RALY: variants seen among roughly 807,000 people sequenced by gnomAD.
RALY encodes the protein RALY heterogeneous nuclear ribonucleoprotein, also known as RNA-binding protein Raly.
In RALY, 15 loss-of-function variants were observed where a neutral mutation model predicts 30.7. The ratio of observed to expected loss-of-function variants is 0.49; its 90% confidence interval spans 0.33 to 0.75. The LOEUF is 0.75. Ranked by LOEUF, RALY falls within the 30% of genes least tolerant of loss-of-function variation. The pLI, the probability that RALY is intolerant of heterozygous loss-of-function variation, is 0.02. For synonymous variants in RALY, 177 were observed against 170.8 expected (o/e 1.04, Z -0.28); for missense variants, 339 against 414.3 (o/e 0.82, Z 1.58).
At chr20:34,056,380 G>A (rs2033244035) in intron 2 of RALY, among the ~76,000 whole-genome samples, 1 of 152,072 alleles carries the variant, frequency 6.6e-6, no homozygotes, top group South Asian at 2.1e-4. Context: ...TTAGGTAATT[G>A]ACATGCCTCC....
At chr20:34,061,302 C>T (rs2033410326) in intron 2 of RALY, among the ~76,000 whole-genome samples, 1 of 152,224 alleles carries the variant, frequency 6.6e-6, no homozygotes, top group South Asian at 2.1e-4. Context: ...TCTCCCTATC[C>T]CCTTCTCTCT....
intron 6 of RALY, chr20:34,076,375 G>T: frequency 2.0e-6 from 1 of 502,206 alleles, no homozygotes; most frequent in Non-Finnish European, 3.6e-6. Context: ...AATCACCCAG[G>T]AATTCAGATT....
intron 1 of RALY, among the ~76,000 whole-genome samples, chr20:33,998,561 A>C (rs1255342181): frequency 6.6e-6 from 1 of 152,186 alleles, no homozygotes; most frequent in Non-Finnish European, 1.5e-5. Context: ...AGGTGGGTGG[A>C]TATGGCCAGA....
At chr20:34,078,817 A>G (rs1471382284) in intron 9 of RALY, among the ~76,000 whole-genome samples, 2 of 152,176 alleles carry the variant, frequency 1.3e-5, no homozygotes, top group Admixed American at 1.3e-4. Context: ...ACACTCAGCC[A>G]TGTTGCCTGT....
chr20:34,034,142 G>A (rs2032387137), intron 2 of RALY, among the ~76,000 whole-genome samples: 1 of 152,084 alleles, frequency 6.6e-6, no homozygotes, highest in Non-Finnish European at 1.5e-5. Flanking sequence ...TCCTCTTTTG[G>A]CCCTAGGTTC....
intron 2 of RALY, among the ~76,000 whole-genome samples, chr20:34,041,769 A>G (rs1316776922): frequency 6.6e-6 from 1 of 152,174 alleles, no homozygotes; most frequent in East Asian, 1.9e-4. Flanking sequence ...ACAATCATCA[A>G]GTTTACATAG....
At chr20:34,039,514 T>G (rs1283465667) in intron 2 of RALY, among the ~76,000 whole-genome samples, 1 of 152,244 alleles carries the variant, frequency 6.6e-6, no homozygotes, top group African/African-American at 2.4e-5. Flanking sequence ...TGGCCCCTTT[T>G]TTCTGGCTCT....
chr20:34,018,831 A>G (rs1027188821), intron 1 of RALY, among the ~76,000 whole-genome samples: 3 of 152,164 alleles, frequency 2.0e-5, no homozygotes, highest in African/African-American at 7.2e-5. Context: ...AATGATCCTT[A>G]CTACATACCT....
chr20:34,002,370 C>T (rs372585258), intron 1 of RALY, among the ~76,000 whole-genome samples: 18 of 152,298 alleles, frequency 1.2e-4, no homozygotes, highest in Middle Eastern at 6.8e-3. Flanking sequence ...CTCAACCATT[C>T]GTTCCAGGAA....
chr20:34,036,385 A>G (rs1295701945), intron 2 of RALY, among the ~76,000 whole-genome samples: 1 of 152,202 alleles, frequency 6.6e-6, no homozygotes, highest in Non-Finnish European at 1.5e-5. Flanking sequence ...CATTACATTA[A>G]TTGATTTTCA....
chr20:34,020,902 C>T (rs956358747), intron 1 of RALY, among the ~76,000 whole-genome samples: 4 of 151,530 alleles, frequency 2.6e-5, no homozygotes, highest in Admixed American at 6.6e-5. Flanking sequence ...TCCTACCTAC[C>T]GCTCAAAACT....
At chr20:34,061,248 C>A (rs2033407810) in intron 2 of RALY, among the ~76,000 whole-genome samples, 1 of 152,058 alleles carries the variant, frequency 6.6e-6, no homozygotes, top group Admixed American at 6.6e-5. Flanking sequence ...AGAGCAGAGA[C>A]CAAGATAAAG....
intron 2 of RALY, among the ~76,000 whole-genome samples, chr20:34,036,919 G>T (rs1297986104): frequency 6.6e-6 from 1 of 151,424 alleles, no homozygotes; most frequent in Non-Finnish European, 1.5e-5. Flanking sequence ...CTTTTCCATT[G>T]ATTTTTTATT....
At chr20:34,057,418 A>G (rs956682897) in intron 2 of RALY, among the ~76,000 whole-genome samples, 6 of 152,248 alleles carry the variant, frequency 3.9e-5, no homozygotes, top group Non-Finnish European at 8.8e-5. Flanking sequence ...CTGTAATCCC[A>G]GCACTTTGGG....
intron 1 of RALY, chr20:34,030,071 T>C (rs1335943648): frequency 6.6e-6 from 1 of 152,306 alleles, no homozygotes; most frequent in Non-Finnish European, 1.5e-5. Context: ...TGCAAGTATA[T>C]GGAGAGGATG....
intron 1 of RALY, among the ~76,000 whole-genome samples, chr20:34,016,940 G>A (rs971212554): frequency 3.3e-5 from 5 of 152,264 alleles, no homozygotes; most frequent in African/African-American, 9.6e-5. Context: ...CTGGGAGGAG[G>A]CTGGAGCAGT....
At position 34,082,639 on chromosome 20, in the gene RALY, G is replaced by C. The variant is rs1056693014; in HGVS notation, c.*2734G>C. On this transcript the variant is annotated 3_prime_UTR_variant, in exon 10 of 10. Coordinates refer to ENST00000246194, the MANE Select transcript of RALY (RefSeq NM_016732.3). Reference sequence around the variant, plus strand: ...CACCGGGTCATATGCTGGACAGGGAGAACGAGAGTCCCATCCTGGAACTCC... The same window carrying C: ...CACCGGGTCATATGCTGGACAGGGACAACGAGAGTCCCATCCTGGAACTCC... 3.3e-5 allele frequency: 5 copies of C among 152,294 alleles called. No homozygotes were observed. The highest frequency in any genetic ancestry group is 1.2e-4 in the African/African-American group (5 of 41,430). 9.4% of individuals were successfully genotyped at this position (152,294 alleles called of 1,614,324 possible). A position where few individuals can be genotyped will look rare whatever the true frequency, so the allele number is the denominator to read the frequency against.
intron 2 of RALY, among the ~76,000 whole-genome samples, chr20:34,056,701 A>G (rs1164572226): frequency 1.3e-5 from 2 of 152,176 alleles, no homozygotes; most frequent in Non-Finnish European, 2.9e-5. Flanking sequence ...GTACATGAAA[A>G]CAGTAATGAG....
intron 2 of RALY, among the ~76,000 whole-genome samples, chr20:34,051,529 A>G (rs2033076865): frequency 6.6e-6 from 1 of 152,174 alleles, no homozygotes; most frequent in Non-Finnish European, 1.5e-5. Flanking sequence ...GAGCTTAGTA[A>G]CTGCAGGTAT....
Sources: allele counts gnomAD v4.1 joint callset (sites outside exome capture counted in the v4.1 genomes callset), GRCh38; gene constraint gnomAD v4.1.1; transcripts MANE v1.5; gene names NCBI Gene and HGNC (gene_info 2026-07-23, HGNC 2026-07-21).